BRCA2: variants seen among roughly 807,000 people sequenced by gnomAD.
The protein encoded by BRCA2 is breast cancer type 2 susceptibility protein.
A neutral mutation model predicts 276.7 loss-of-function variants in BRCA2; 203 were observed. That is an observed-to-expected ratio of 0.73 (90% CI 0.65 to 0.82). BRCA2 has a LOEUF of 0.82. BRCA2 is among the 40% of genes least tolerant of loss of function. The pLI is 0.00. For missense variants in BRCA2, 3,920 were observed against 3,915.0 expected, an observed-to-expected ratio of 1.00 and a Z score of -0.03; for synonymous variants, 1,289 against 1,338.4, an observed-to-expected ratio of 0.96 and a Z score of 0.81.
rs81002904 is a variant in BRCA2 at position 32,356,424 on chromosome 13, A to G, written c.7436-4A>G. The G allele has an allele frequency of 9.9e-6, 16 of 1,611,764 alleles. No homozygotes were observed. In the East Asian group the frequency reaches 1.1e-4, roughly 11 times the overall value. ...ATTTTTGCTAAGTATTTATTCTTTG[A>G]TAGATTTAATTACAAGTCTTCAGAA... On this transcript the variant is annotated splice_polypyrimidine_tract_variant and splice_region_variant and intron_variant, in intron 14 of 26. Transcript: ENST00000380152.
rs750755676 is a variant in BRCA2, at chr13:32,336,654, A to C, written c.2299A>C (p.Ser767Arg). 18 of 1,613,920 alleles carry C rather than the reference A, an allele frequency of 1.1e-5. 1 individual carries two copies. The South Asian group carries it at 1.6e-4, about 15-fold the overall frequency. ...KSLLYDHENA[S>R]TLILTPTSKD... is the part of the protein sequence containing the mutation. ...TCTTTTATATGATCATGAAAATGCCAGCACTCTTATTTTAACTCCTACTTC... is the reference window on the plus strand; with the variant it reads ...TCTTTTATATGATCATGAAAATGCCCGCACTCTTATTTTAACTCCTACTTC... Residue 767 changes from serine to arginine, a missense_variant, in exon 11 of 27, where the codon AGC becomes CGC. By Grantham distance (110) the Ser-to-Arg change is moderately radical. This residue lies in a region of BRCA2 where 3,263 missense variants were observed against 3,156.9 expected (regional missense o/e 1.03). Transcript: ENST00000380152.
At chr13:32,352,999 A>T (rs1365893490) in intron 13 of BRCA2, among the ~76,000 whole-genome samples, 1 of 152,236 alleles carries the variant, frequency 6.6e-6, no homozygotes, top group East Asian at 1.9e-4. Flanking sequence ...AAAAGAAAGG[A>T]TTAAAAGATC....
rs2137506455 is a variant in BRCA2, at chr13:32,338,803, C to A, written c.4448C>A (p.Thr1483Lys). ...ATGGACATTCTAAGTTATGAGGAAA[C>A]AGACATAGTTAAACACAAAATACTG... ...NKMDILSYEE[T>K]DIVKHKILKE... Residue 1483 changes from threonine to lysine, a missense_variant, in exon 11 of 27, where the codon ACA (threonine) becomes AAA (lysine). Thr to Lys is a moderately conservative substitution (Grantham distance 78). Transcript: ENST00000380152. 1 of 1,613,274 alleles carries A rather than the reference C, an allele frequency of 6.2e-7. No individual in the cohort carries two copies.
At chr13:32,371,425 T>C (rs1232186011) in intron 20 of BRCA2, among the ~76,000 whole-genome samples, 1 of 152,156 alleles carries the variant, frequency 6.6e-6, no homozygotes, top group Non-Finnish European at 1.5e-5. Context: ...AATTTTAATA[T>C]TAAAAATCAT....
At chr13:32,351,491 G>A (rs897790190) in intron 13 of BRCA2, among the ~76,000 whole-genome samples, 1 of 152,240 alleles carries the variant, frequency 6.6e-6, no homozygotes, top group African/African-American at 2.4e-5. Context: ...CTTGAAGTCA[G>A]CAAGACCAAG....
At chr13:32,396,560 A>G (rs972564285) in intron 25 of BRCA2, among the ~76,000 whole-genome samples, 4 of 152,216 alleles carry the variant, frequency 2.6e-5, no homozygotes, top group Admixed American at 2.0e-4. Context: ...CCAGCTATTA[A>G]GTAGTAAATA....
At chr13:32,366,240 GCAA>G (rs1398030569) in intron 18 of BRCA2, among the ~76,000 whole-genome samples, 21 of 152,242 alleles carry the variant, frequency 1.4e-4, no homozygotes, top group Admixed American at 1.0e-3. Context: ...AACAACAATA[GCAA>G]CAACAACTAT....
In BRCA2 at chr13:32,340,624, A is replaced by G. The variant is rs397507366; in HGVS notation, c.6269A>G (p.His2090Arg). ...GAATTTGATTTAATCAGAACTGAGC[A>G]TAGTCTTCACTATTCACCTACGTCT... Reference protein sequence around the residue: ...LEEFDLIRTEHSLHYSPTSRQ... With the variant: ...LEEFDLIRTERSLHYSPTSRQ... Residue 2090 changes from histidine (H) to arginine (R), a missense_variant, in exon 11 of 27, where the codon CAT (histidine) becomes CGT (arginine). Physicochemically the swap from His to Arg is conservative, Grantham distance 29. This residue lies in a region of BRCA2 where 3,263 missense variants were observed against 3,156.9 expected (regional missense o/e 1.03). Transcript: ENST00000380152. The G allele has an allele frequency of 5.0e-6, 8 of 1,607,360 alleles. No individual in the cohort carries two copies. Among genetic ancestry groups the G allele is most frequent in the Middle Eastern group, 1.7e-4 (1 of 6,010 alleles).
chr13:32,384,498 G>A (rs2072945324), intron 24 of BRCA2, among the ~76,000 whole-genome samples: 2 of 152,312 alleles, frequency 1.3e-5, no homozygotes, highest in South Asian at 4.1e-4. Context: ...TTTATAGCAG[G>A]TGTATATATT....
intron 11 of BRCA2, among the ~76,000 whole-genome samples, chr13:32,342,323 A>G (rs530016574): frequency 1.1e-4 from 17 of 152,008 alleles, no homozygotes; most frequent in East Asian, 7.8e-4. Flanking sequence ...AACTTGACAT[A>G]TAGTAGGCAG....
intron 16 of BRCA2, among the ~76,000 whole-genome samples, chr13:32,360,109 C>T (rs1489608045): frequency 6.6e-6 from 1 of 152,152 alleles, no homozygotes; most frequent in Non-Finnish European, 1.5e-5. Context: ...GAGTCAGCTA[C>T]ATTTGATAAA....
chr13:32,318,530 C>T (rs573314465), intron 2 of BRCA2, among the ~76,000 whole-genome samples: 381 of 152,168 alleles, frequency 2.5e-3, no homozygotes, highest in Non-Finnish European at 4.2e-3. Flanking sequence ...CAACCACCGC[C>T]TCCTGGGTTC....
At position 32,340,729 on chromosome 13, in the gene BRCA2, C is replaced by G. The variant is rs776937022; in HGVS notation, c.6374C>G (p.Thr2125Ser). The change falls in exon 11 of 27, where the codon ACC (threonine) becomes AGC (serine). Residue 2125 changes from threonine to serine, a missense_variant. Transcript: ENST00000380152. ...TGTGTAAACTCAGAAATGGAAAAAACCTGCAGTAAAGAATTTAAATTATCA... is the reference window on the plus strand; with the variant it reads ...TGTGTAAACTCAGAAATGGAAAAAAGCTGCAGTAAAGAATTTAAATTATCA... ...EHCVNSEMEK[T>S]CSKEFKLSNN... The G allele has an allele frequency of 1.9e-6, 3 of 1,606,198 alleles. No homozygotes were observed. Among genetic ancestry groups the G allele is most frequent in the African/African-American group, 2.7e-5 (2 of 74,426 alleles).
At chr13:32,377,330 G>A (rs1270118252) in intron 21 of BRCA2, among the ~76,000 whole-genome samples, 2 of 152,104 alleles carry the variant, frequency 1.3e-5, no homozygotes, top group East Asian at 1.9e-4. Flanking sequence ...GGTGGCTCAC[G>A]CCTATAATCC....
At chr13:32,333,472 A>G (rs759408612) in intron 10 of BRCA2, 85 bp downstream of exon 10, 89 of 1,378,100 alleles carry the variant, frequency 6.5e-5, no homozygotes, top group Non-Finnish European at 8.6e-5. Context: ...GCTTTTTAAA[A>G]TCTTCATATC....
At chr13:32,326,952 A>C (rs940027191) in intron 7 of BRCA2, among the ~76,000 whole-genome samples, 12 of 152,238 alleles carry the variant, frequency 7.9e-5, no homozygotes, top group Admixed American at 5.2e-4. Flanking sequence ...TAATTGGGGC[A>C]TTAAAGCAGC....
At chr13:32,368,001 C>CTTTTTTTTTTTTT (rs71071031) in intron 18 of BRCA2, among the ~76,000 whole-genome samples, 5 of 50,768 alleles carry the variant, frequency 9.8e-5, no homozygotes, top group Middle Eastern at 0.02. Flanking sequence ...TCTTCTAATT[C>CTTTTTTTTTTTTT]TTTTTTTTTT....
At chr13:32,315,254 G>A (rs899340399), upstream of BRCA2, 1 of 152,470 alleles carries the variant, frequency 6.6e-6, no homozygotes, top group Non-Finnish European at 1.5e-5. Flanking sequence ...AGGCATAGGG[G>A]CGGCCCCTCC....
At position 32,333,112 on chromosome 13, in the gene BRCA2, T is replaced by G. The variant is rs2137473400; in HGVS notation, c.1634T>G (p.Val545Gly). The part of the protein sequence containing the change: ...ASESGLEIHT[V>G]CSQKEDSLCP... ...GAAAGTGGACTGGAAATACATACTGTTTGCTCACAGAAGGAGGACTCCTTA... is the reference window on the plus strand; with the variant it reads ...GAAAGTGGACTGGAAATACATACTGGTTGCTCACAGAAGGAGGACTCCTTA... The change falls in exon 10 of 27, where the codon GTT becomes GGT. Residue 545 changes from valine (V) to glycine (G), a missense_variant. This residue lies in a region of BRCA2 where 3,263 missense variants were observed against 3,156.9 expected (regional missense o/e 1.03). Coordinates refer to ENST00000380152, the MANE Select transcript of BRCA2 (RefSeq NM_000059.4). The G allele has an allele frequency of 6.2e-7, 1 of 1,613,986 alleles. No individual in the cohort carries two copies. Among genetic ancestry groups the G allele is most frequent in the Non-Finnish European group, 8.5e-7 (1 of 1,179,992 alleles).
Sources: gnomAD v4.1 joint callset for allele counts (sites outside exome capture counted in the v4.1 genomes callset) on GRCh38, gnomAD v4.1.1 for gene constraint, gnomAD v4.1.1 regional missense constraint, MANE v1.5 for transcripts, NCBI Gene and HGNC (gene_info 2026-07-23, HGNC 2026-07-21) for gene names.